MARK2: variants seen among roughly 807,000 people sequenced by gnomAD.
MARK2 encodes microtubule affinity regulating kinase 2.
Under a neutral mutation model 89.8 loss-of-function variants are expected in MARK2, and 16 were observed. The observed-to-expected ratio is 0.18, with a 90% CI of 0.12 to 0.27. MARK2 has a LOEUF of 0.27. Ranked by LOEUF, MARK2 falls within the 10% of genes least tolerant of loss-of-function variation. The pLI is 1.00. For missense variants in MARK2, 621 were observed against 1,049.9 expected (o/e 0.59, Z 5.65); for synonymous variants, 382 against 399.5 (o/e 0.96, Z 0.52).
At chr11:63,895,103 G>A in intron 1 of MARK2, 56 bp from the exon 2 acceptor site, 1 of 1,483,956 alleles carries the variant, frequency 6.7e-7, no homozygotes, top group Admixed American at 1.8e-5. Context: ...TTTGCAGAGA[G>A]CGTTTAGAGG....
chr11:63,897,071 C>A (rs1285406943), intron 3 of MARK2, among the ~76,000 whole-genome samples: 2 of 152,180 alleles, frequency 1.3e-5, no homozygotes, highest in Non-Finnish European at 2.9e-5. Context: ...CAGCAATGAT[C>A]CCTGAAAAAT....
chr11:63,885,878 C>CA (rs1405377548), intron 1 of MARK2, among the ~76,000 whole-genome samples: 1 of 151,606 alleles, frequency 6.6e-6, no homozygotes, highest in African/African-American at 2.4e-5. Flanking sequence ...CCTGTAATCC[C>CA]AGCACTTTGG....
intron 1 of MARK2, among the ~76,000 whole-genome samples, chr11:63,874,579 A>C (rs891572313): frequency 6.6e-6 from 1 of 152,100 alleles, no homozygotes; most frequent in Non-Finnish European, 1.5e-5. Flanking sequence ...TTGGTGAGAG[A>C]TTTCTGCTTT....
At chr11:63,899,371 C>G (rs1940680826) in intron 7 of MARK2, among the ~76,000 whole-genome samples, 3 of 152,076 alleles carry the variant, frequency 2.0e-5, no homozygotes, top group Admixed American at 1.3e-4. Context: ...CACCTCTTGG[C>G]ACATCACCTT....
chr11:63,843,902 AC>A (rs2016146911), intron 1 of MARK2, among the ~76,000 whole-genome samples: 1 of 152,042 alleles, frequency 6.6e-6, no homozygotes, highest in Non-Finnish European at 1.5e-5. Context: ...TTTTGGTGTA[AC>A]TTAGGTAGAT....
At chr11:63,858,054 TTTTGC>T (rs1196990169) in intron 1 of MARK2, among the ~76,000 whole-genome samples, 3 of 151,838 alleles carry the variant, frequency 2.0e-5, no homozygotes, top group Non-Finnish European at 2.9e-5. Flanking sequence ...TGAGATGGAG[TTTTGC>T]TTTGTCACCC....
chr11:63,904,763 C>T lies in MARK2; in HGVS notation c.1677-23C>T. On this transcript the variant is annotated intron_variant, in intron 15 of 18. Transcript: ENST00000402010. The surrounding 1 kb of genome is among the most constrained non-coding windows in gnomAD (Gnocchi z 6.3). ...GTCCTGTACCCTAATTCGTCCCCCT[C>T]AACCCCACTTCTCTTCCCACAGCAC... The T allele has an allele frequency of 6.2e-7, 1 of 1,609,518 alleles. No individual in the cohort carries two copies. The highest frequency in any genetic ancestry group is 8.5e-7 in the Non-Finnish European group (1 of 1,176,566).
At chr11:63,890,338 G>A (rs1296591675) in intron 1 of MARK2, 1 of 1,238,346 alleles carries the variant, frequency 8.1e-7, no homozygotes, top group Non-Finnish European at 1.1e-6. Context: ...CTCTGAGTTG[G>A]ATGGTTCAGT....
At position 63,902,906 on chromosome 11, in the gene MARK2, C is replaced by G; in HGVS notation, c.1416+124C>G. The G allele has an allele frequency of 9.4e-7, 1 of 1,067,200 alleles. No homozygotes were observed. Among genetic ancestry groups the G allele is most frequent in the Non-Finnish European group, 1.4e-6 (1 of 709,606 alleles). 66.1% of individuals were successfully genotyped at this position (1,067,200 alleles called of 1,614,324 possible). Reference sequence around the variant, plus strand: ...TACTTCTGCTTATAGCAGGAAGCCTCGCTCCCAGCAGTAAATGCAGAATCC... The same window carrying G: ...TACTTCTGCTTATAGCAGGAAGCCTGGCTCCCAGCAGTAAATGCAGAATCC... On this transcript the variant is annotated intron_variant, in intron 13 of 18. Transcript: ENST00000402010. This position sits in a 1 kb window ranked among gnomAD's most constrained non-coding sequence, Gnocchi z 4.2.
rs746404079 is a variant in MARK2, at chr11:63,904,823, G to A, written c.1714G>A (p.Ala572Thr). The A allele has an allele frequency of 1.1e-5, 18 of 1,613,752 alleles. No homozygotes were observed. Among genetic ancestry groups the A allele is most frequent in the African/African-American group, 2.7e-5 (2 of 74,806 alleles). ...PQRVPVASPSAHNISSSGGAP... is the reference protein window; with the variant it reads ...PQRVPVASPSTHNISSSGGAP... ...GCGTGTCCCTGTTGCCTCCCCATCC[G>A]CCCACAACATCAGCAGCAGTGGTGG... The change falls in exon 16 of 19, where the codon GCC becomes ACC. Residue 572 changes from alanine to threonine, a missense_variant. Around this residue, in one of 5 missense-constraint regions of MARK2, gnomAD observed 397 missense variants for 567.8 expected, o/e 0.70. Transcript: ENST00000402010. The surrounding 1 kb of genome is among the most constrained non-coding windows in gnomAD (Gnocchi z 6.3).
intron 1 of MARK2, among the ~76,000 whole-genome samples, chr11:63,866,244 C>T (rs1433018747): frequency 1.3e-5 from 2 of 150,824 alleles, no homozygotes; most frequent in Admixed American, 6.7e-5. Flanking sequence ...CCCAGCTACT[C>T]GGGAGACTGA....
Position 63,904,737 on chromosome 11 carries a change from T to C in MARK2, c.1677-49T>C, listed in dbSNP as rs760269759. On this transcript the variant is annotated intron_variant, in intron 15 of 18. Transcript: ENST00000402010. This position sits in a 1 kb window ranked among gnomAD's most constrained non-coding sequence, Gnocchi z 6.3. The stretch of plus-strand genomic sequence containing the variant: ...GGGTGTCCAGGTGCCCAGTGATGGC[T>C]GTCCTGTACCCTAATTCGTCCCCCT... 2 of 1,578,916 alleles carry C rather than the reference T, an allele frequency of 1.3e-6. No homozygotes were observed. Among genetic ancestry groups the C allele is most frequent in the East Asian group, 4.5e-5 (2 of 44,426 alleles).
intron 1 of MARK2, 24 bp downstream of exon 1, chr11:63,839,584 G>T: frequency 1.4e-6 from 2 of 1,469,492 alleles, no homozygotes; most frequent in South Asian, 2.5e-5. Context: ...AGGGCTCCCC[G>T]AATTCTCTGG....
At chr11:63,847,132 A>G in intron 1 of MARK2, among the ~76,000 whole-genome samples, 1 of 152,100 alleles carries the variant, frequency 6.6e-6, no homozygotes, top group East Asian at 1.9e-4. Context: ...CAAGATAAAT[A>G]AGGTTTGTCA....
intron 1 of MARK2, among the ~76,000 whole-genome samples, chr11:63,857,193 G>C (rs2016909579): frequency 6.6e-6 from 1 of 151,964 alleles, no homozygotes. Flanking sequence ...TTTTGAGACA[G>C]CCTCACTTTA....
chr11:63,846,556 A>G (rs1241260247), intron 1 of MARK2, among the ~76,000 whole-genome samples: 3 of 151,608 alleles, frequency 2.0e-5, no homozygotes, highest in East Asian at 1.9e-4. Flanking sequence ...GGGTTTCACC[A>G]TGTTGGTCAG....
intron 1 of MARK2, among the ~76,000 whole-genome samples, chr11:63,886,128 C>CAAA (rs569957748): frequency 1.7e-5 from 2 of 116,272 alleles, no homozygotes; most frequent in African/African-American, 6.3e-5. Flanking sequence ...GACTCTATCT[C>CAAA]AAAAAAAAAA....
chr11:63,865,621 G>C (rs766520159), intron 1 of MARK2, among the ~76,000 whole-genome samples: 7 of 152,224 alleles, frequency 4.6e-5, no homozygotes, highest in Non-Finnish European at 8.8e-5. Flanking sequence ...TAATGGGTTA[G>C]GTCCATAGGG....
intron 1 of MARK2, among the ~76,000 whole-genome samples, chr11:63,860,184 C>T (rs1223730488): frequency 1.3e-5 from 2 of 152,176 alleles, no homozygotes; most frequent in Non-Finnish European, 2.9e-5. Flanking sequence ...CTTTTAACAG[C>T]TTCCCTAAGT....
Sources: gnomAD v4.1 joint callset for allele counts (sites outside exome capture counted in the v4.1 genomes callset) on GRCh38, gnomAD v4.1.1 for gene constraint, gnomAD v4.1.1 regional missense constraint, Gnocchi (gnomAD v3.1) non-coding constraint, MANE v1.5 for transcripts, NCBI Gene and HGNC (gene_info 2026-07-23, HGNC 2026-07-21) for gene names.